RELN: variants seen among roughly 807,000 people sequenced by gnomAD.
RELN encodes reelin.
A neutral mutation model predicts 427.6 loss-of-function variants in RELN; 108 were observed. The observed-to-expected ratio is 0.25, with a 90% CI of 0.22 to 0.30. RELN has a LOEUF of 0.30. RELN is among the 10% of genes least tolerant of loss of function. The pLI is 1.00. For synonymous variants in RELN, 1,524 were observed against 1,513.4 expected (o/e 1.01, Z -0.16); for missense variants, 3,715 against 4,302.8 (o/e 0.86, Z 3.82).
chr7:103,750,257 C>T (rs905763449), intron 5 of RELN, among the ~76,000 whole-genome samples: 2 of 152,154 alleles, frequency 1.3e-5, no homozygotes, highest in Non-Finnish European at 1.5e-5. Flanking sequence ...GGGTTACAGG[C>T]GTGAGCCACT....
intron 28 of RELN, among the ~76,000 whole-genome samples, chr7:103,582,632 T>C (rs1364059635): frequency 6.6e-6 from 1 of 152,128 alleles, no homozygotes; most frequent in East Asian, 1.9e-4. Flanking sequence ...AAGGCTGTAG[T>C]GTAATTTTTT....
intron 2 of RELN, among the ~76,000 whole-genome samples, chr7:103,882,157 C>G (rs1470596702): frequency 6.6e-6 from 1 of 152,204 alleles, no homozygotes; most frequent in Non-Finnish European, 1.5e-5. Flanking sequence ...ATGAAAATAA[C>G]TAATGCTATG....
chr7:103,641,372 A>C (rs1407009251), intron 16 of RELN, among the ~76,000 whole-genome samples: 1 of 152,224 alleles, frequency 6.6e-6, no homozygotes, highest in Non-Finnish European at 1.5e-5. Context: ...ATTGTAAAAT[A>C]AACTTTCCTG....
chr7:103,512,451 A>G (rs888638580), intron 50 of RELN, among the ~76,000 whole-genome samples: 11 of 152,200 alleles, frequency 7.2e-5, no homozygotes, highest in African/African-American at 2.7e-4. Flanking sequence ...ATTTCTTTTA[A>G]TAAGTCTTGA....
rs774896895 is a variant in RELN at position 103,494,394 on chromosome 7, G to GTGTGTGTGTGTGTGT, written c.9369+1328_9369+1329insACACACACACACACA. ...GTGTGTGTGTGTGTGTGTGTGTGTG[G>GTGTGTGTGTGTGTGT]GATATGGTCTTGTTCTGTTGCCCTA... On this transcript the variant is annotated intron_variant, in intron 57 of 64. Coordinates refer to ENST00000428762, the MANE Select transcript of RELN (RefSeq NM_005045.4). 2.4e-3 allele frequency among the ~76,000 whole-genome samples: 317 copies of GTGTGTGTGTGTGTGT among 134,538 alleles called. 1 individual carries two copies. Among genetic ancestry groups the GTGTGTGTGTGTGTGT allele is most frequent in the African/African-American group, 3.9e-3 (130 of 33,426 alleles). The allele number at this position is 134,538 out of a possible 152,430, so 88.3% of individuals were successfully genotyped here.
At chr7:103,969,508 A>T (rs1419954875) in intron 1 of RELN, among the ~76,000 whole-genome samples, 1 of 152,206 alleles carries the variant, frequency 6.6e-6, no homozygotes, top group Non-Finnish European at 1.5e-5. Flanking sequence ...CACTGTGTAA[A>T]ATCCTTAGGA....
intron 3 of RELN, among the ~76,000 whole-genome samples, chr7:103,809,484 G>C (rs188505623): frequency 2.6e-5 from 4 of 152,246 alleles, no homozygotes; most frequent in Admixed American, 1.3e-4. Context: ...TTATTCAAGA[G>C]GTTTAGACTG....
intron 6 of RELN, among the ~76,000 whole-genome samples, chr7:103,741,662 AAAGG>A (rs1790662028): frequency 6.6e-6 from 1 of 150,726 alleles, no homozygotes; most frequent in Non-Finnish European, 1.5e-5. Context: ...AAAGCAAGAG[AAAGG>A]GAAGAAGGGA....
chr7:103,713,996 T>G (rs1026493860), intron 8 of RELN, among the ~76,000 whole-genome samples: 3 of 152,200 alleles, frequency 2.0e-5, no homozygotes, highest in Admixed American at 6.5e-5. Flanking sequence ...AGCAACATCT[T>G]GATGACATGG....
intron 1 of RELN, among the ~76,000 whole-genome samples, chr7:103,974,008 T>C (rs1796818740): frequency 6.6e-6 from 1 of 152,082 alleles, no homozygotes; most frequent in Admixed American, 6.5e-5. Context: ...CCAGGCATGG[T>C]GGTGCATGCC....
Position 103,989,212 on chromosome 7 carries a change from C to T in RELN, c.145G>A (p.Asp49Asn), listed in dbSNP as rs745472493. 1 of 1,614,138 alleles carries T rather than the reference C, an allele frequency of 6.2e-7. No homozygotes were observed. The highest frequency in any genetic ancestry group is 8.5e-7 in the Non-Finnish European group (1 of 1,180,010). ...ATGAGCACCTCGCCCTGCTCCCCAT[C>T]CCCTTCCAGCTCCCCGTGGTGGGTG... ...LCTHHGELEG[D>N]GEQGEVLISL... Residue 49 changes from aspartate (D) to asparagine (N), a missense_variant, in exon 1 of 65, where the codon GAT (aspartate) becomes AAT (asparagine). Asp to Asn is a conservative substitution (Grantham distance 23). Around this residue, in one of 4 missense-constraint regions of RELN, gnomAD observed 2,208 missense variants for 2,361.7 expected, o/e 0.93. Transcript: ENST00000428762. The surrounding 1 kb of genome is among the most constrained non-coding windows in gnomAD (Gnocchi z 4.9).
rs112529529 is a variant in RELN at position 103,561,750 on chromosome 7, G to A, written c.5352-41C>T. 1,369 of 1,613,274 alleles carry A rather than the reference G, an allele frequency of 8.5e-4. 10 individuals are homozygous for A. In the African/African-American group the frequency reaches 0.016, roughly 18 times the overall value. ...AGTGGAGAAAAGACATTTGTCACAC[G>A]TTCAACAAGCCATATTTATTTTTGC... On this transcript the variant is annotated intron_variant, in intron 35 of 64. Transcript: ENST00000428762.
chr7:103,779,517 T>G (rs966747312), intron 3 of RELN, among the ~76,000 whole-genome samples: 6 of 152,160 alleles, frequency 3.9e-5, no homozygotes, highest in African/African-American at 1.4e-4. Flanking sequence ...GATACTCTTA[T>G]CCATTTTTCC....
At chr7:103,652,314 C>T (rs1832935584) in intron 14 of RELN, among the ~76,000 whole-genome samples, 1 of 150,698 alleles carries the variant, frequency 6.6e-6, no homozygotes, top group Non-Finnish European at 1.5e-5. Context: ...CACATGCAAA[C>T]ACCTCTGATA....
chr7:103,508,362 C>G (rs957289337), intron 51 of RELN, among the ~76,000 whole-genome samples: 2 of 152,182 alleles, frequency 1.3e-5, no homozygotes, highest in Non-Finnish European at 2.9e-5. Flanking sequence ...TCAGCATACA[C>G]AAATCAATAA....
intron 2 of RELN, among the ~76,000 whole-genome samples, chr7:103,916,313 C>T (rs887300807): frequency 2.0e-5 from 3 of 152,156 alleles, no homozygotes; most frequent in Non-Finnish European, 4.4e-5. Context: ...CAATTCTATC[C>T]TTCTCACATC....
At chr7:103,739,727 G>A (rs931572357) in intron 6 of RELN, among the ~76,000 whole-genome samples, 5 of 152,180 alleles carry the variant, frequency 3.3e-5, no homozygotes, top group African/African-American at 4.8e-5. Flanking sequence ...GCAGCCGCTG[G>A]GGGAGTGGGG....
chr7:103,925,485 C>A (rs1276476639), intron 1 of RELN, among the ~76,000 whole-genome samples: 2 of 152,048 alleles, frequency 1.3e-5, no homozygotes, highest in Non-Finnish European at 2.9e-5. Flanking sequence ...TTATCTCTGA[C>A]CTTATTTTTC....
chr7:103,609,738 T>G (rs1255011133), intron 22 of RELN, among the ~76,000 whole-genome samples: 1 of 152,222 alleles, frequency 6.6e-6, no homozygotes, highest in Non-Finnish European at 1.5e-5. Flanking sequence ...GTGTAGAGTC[T>G]AACTTTTATA....
Sources: allele counts gnomAD v4.1 joint callset (sites outside exome capture counted in the v4.1 genomes callset), GRCh38; gene constraint gnomAD v4.1.1; regional missense constraint gnomAD v4.1.1; non-coding constraint Gnocchi (gnomAD v3.1); transcripts MANE v1.5; gene names NCBI Gene and HGNC (gene_info 2026-07-23, HGNC 2026-07-21).